DLGAP1: variants seen among roughly 807,000 people sequenced by gnomAD.
DLGAP1 encodes disks large-associated protein 1.
A neutral mutation model predicts 90.8 loss-of-function variants in DLGAP1; 11 were observed. That is an observed-to-expected ratio of 0.12 (90% CI 0.08 to 0.20). The LOEUF is 0.20. Ranked by LOEUF, DLGAP1 falls within the 10% of genes least tolerant of loss-of-function variation. DLGAP1 has a pLI of 1.00. For synonymous variants in DLGAP1, 558 were observed against 540.7 expected, an observed-to-expected ratio of 1.03 and a Z score of -0.44; for missense variants, 1,050 against 1,333.8, an observed-to-expected ratio of 0.79 and a Z score of 3.31.
intron 7 of DLGAP1, among the ~76,000 whole-genome samples, chr18:3,622,857 T>C (rs946451292): frequency 1.3e-5 from 2 of 152,056 alleles, no homozygotes; most frequent in Non-Finnish European, 2.9e-5. Flanking sequence ...CAGGCTGGAG[T>C]GCAGTGGCAC....
intron 1 of DLGAP1, among the ~76,000 whole-genome samples, chr18:4,312,239 C>T (rs1395643007): frequency 6.6e-6 from 1 of 152,120 alleles, no homozygotes; most frequent in Non-Finnish European, 1.5e-5. Context: ...TATATACACA[C>T]AAAAATTGAC....
chr18:4,220,765 T>C (rs1376546308), intron 1 of DLGAP1, among the ~76,000 whole-genome samples: 1 of 152,138 alleles, frequency 6.6e-6, no homozygotes, highest in African/African-American at 2.4e-5. Context: ...TTACTCTTTT[T>C]AAAAATGTTT....
chr18:3,872,027 T>C (rs1327895799), intron 4 of DLGAP1, among the ~76,000 whole-genome samples: 1 of 152,078 alleles, frequency 6.6e-6, no homozygotes, highest in Non-Finnish European at 1.5e-5. Flanking sequence ...AACAGTGACC[T>C]AATATACACA....
chr18:3,559,898 G>A (rs1026187124), intron 9 of DLGAP1, among the ~76,000 whole-genome samples: 3 of 151,856 alleles, frequency 2.0e-5, no homozygotes, highest in Admixed American at 6.6e-5. Flanking sequence ...TGGGATTACA[G>A]GCATGAGCCA....
At chr18:3,583,138 T>A (rs554800839) in intron 7 of DLGAP1, among the ~76,000 whole-genome samples, 1 of 138,990 alleles carries the variant, frequency 7.2e-6, no homozygotes. Context: ...TCTGCCTGAC[T>A]GACCGACCTA....
At chr18:4,392,971 T>C (rs2082368781) in intron 1 of DLGAP1, among the ~76,000 whole-genome samples, 1 of 152,280 alleles carries the variant, frequency 6.6e-6, no homozygotes, top group Non-Finnish European at 1.5e-5. Flanking sequence ...CAGCAAGTCA[T>C]GTGTACTGTA....
Position 3,534,354 on chromosome 18 carries a change from A to G in DLGAP1, c.2319T>C (p.Ile773=), listed in dbSNP as rs1462786520. Residue 773 remains isoleucine, a synonymous_variant, in exon 10 of 13, where the codon ATT becomes ATC. Transcript: ENST00000315677. ...CCAGAGGGTCTTCAGTGATAGAGTC[A>G]ATCCAGGGGTCCGGAGGAGGCAGAA... is the stretch of plus-strand genomic sequence containing the variant. ...PSILPPPDPW[I]DSITEDPLEA... is the part of the protein sequence containing the mutation. The G allele has an allele frequency of 1.9e-6, 3 of 1,614,056 alleles. No individual in the cohort carries two copies. Among genetic ancestry groups the G allele is most frequent in the Non-Finnish European group, 2.5e-6 (3 of 1,180,028 alleles).
intron 1 of DLGAP1, among the ~76,000 whole-genome samples, chr18:4,219,247 A>G (rs1598646149): frequency 6.6e-6 from 1 of 151,732 alleles, no homozygotes; most frequent in South Asian, 2.1e-4. Context: ...ACATTTTTTC[A>G]TATATCTGTT....
At chr18:4,241,306 C>T (rs1302612015) in intron 1 of DLGAP1, among the ~76,000 whole-genome samples, 1 of 152,114 alleles carries the variant, frequency 6.6e-6, no homozygotes, top group African/African-American at 2.4e-5. Flanking sequence ...GAGTTAGGCC[C>T]CTCAGTTCGC....
intron 7 of DLGAP1, among the ~76,000 whole-genome samples, chr18:3,627,532 C>T (rs999117891): frequency 2.6e-5 from 4 of 152,146 alleles, no homozygotes; most frequent in African/African-American, 9.7e-5. Flanking sequence ...GGATGCTTCT[C>T]TAATGGGTGG....
intron 10 of DLGAP1, among the ~76,000 whole-genome samples, chr18:3,528,825 G>C (rs1457341039): frequency 2.0e-4 from 30 of 152,174 alleles, no homozygotes; most frequent in Admixed American, 2.0e-3. Context: ...TGGAATCCCA[G>C]TAGTTTGAAG....
At chr18:3,907,205 C>T (rs1359059579) in intron 3 of DLGAP1, among the ~76,000 whole-genome samples, 1 of 152,150 alleles carries the variant, frequency 6.6e-6, no homozygotes, top group Non-Finnish European at 1.5e-5. Flanking sequence ...AGTTTACTTC[C>T]TGATACAGTA....
intron 2 of DLGAP1, among the ~76,000 whole-genome samples, chr18:4,031,457 G>A (rs535101380): frequency 2.0e-5 from 3 of 152,272 alleles, no homozygotes; most frequent in East Asian, 3.9e-4. Flanking sequence ...AAGTGCACCC[G>A]GAAAGGGTAC....
chr18:3,833,216 TCCTTCCTTCCTTCCTTCCTTCCTC>T (rs1373599463), intron 4 of DLGAP1, among the ~76,000 whole-genome samples: 23 of 62,148 alleles, frequency 3.7e-4, no homozygotes, highest in Non-Finnish European at 4.7e-4. Context: ...CTTCCTTCCT[TCCTTCCTTCCTTCCTTCCTTCCTC>T]CTTGTTTTTT....
chr18:3,619,800 G>GT (rs11404761), intron 7 of DLGAP1, among the ~76,000 whole-genome samples: 12,721 of 135,726 alleles, frequency 0.094, 801 homozygotes, highest in East Asian at 0.19. Context: ...GCCGGAGTTG[G>GT]TTTTTTTTTG....
intron 1 of DLGAP1, among the ~76,000 whole-genome samples, chr18:4,242,019 AT>A (rs1348563326): frequency 2.0e-5 from 3 of 152,172 alleles, no homozygotes; most frequent in African/African-American, 7.2e-5. Flanking sequence ...ATCTGCCATT[AT>A]ATAGAAAAAT....
At chr18:3,938,970 G>A (rs2072704749) in intron 3 of DLGAP1, among the ~76,000 whole-genome samples, 2 of 152,194 alleles carry the variant, frequency 1.3e-5, no homozygotes, top group Admixed American at 1.3e-4. Flanking sequence ...TATACACTAT[G>A]TTCATCACTG....
chr18:3,787,979 A>G (rs200109299), intron 5 of DLGAP1, among the ~76,000 whole-genome samples: 1 of 152,186 alleles, frequency 6.6e-6, no homozygotes, highest in Non-Finnish European at 1.5e-5. Flanking sequence ...AAAGACTTAA[A>G]TCTGTCAACA....
intron 10 of DLGAP1, among the ~76,000 whole-genome samples, chr18:3,509,184 C>G (rs983498684): frequency 1.6e-4 from 24 of 152,062 alleles, no homozygotes. Context: ...TCTTATTTTT[C>G]CGGAGCTCAG....
Sources: allele counts gnomAD v4.1 joint callset (sites outside exome capture counted in the v4.1 genomes callset), GRCh38; gene constraint gnomAD v4.1.1; transcripts MANE v1.5; gene names NCBI Gene and HGNC (gene_info 2026-07-23, HGNC 2026-07-21).